UNC79: variants seen among roughly 807,000 people sequenced by gnomAD.
UNC79 encodes the protein unc-79 subunit of NALCN channel complex, also known as protein unc-79 homolog.
UNC79 carries 37 observed loss-of-function variants against 283.1 expected under a neutral mutation model. The observed-to-expected ratio is 0.13, with a 90% CI of 0.10 to 0.17. The LOEUF (loss-of-function observed/expected upper bound fraction) is 0.17. Ranked by LOEUF, UNC79 falls within the 10% of genes least tolerant of loss-of-function variation. UNC79 has a pLI of 1.00. For missense variants in UNC79, 2,272 were observed against 3,211.1 expected, an observed-to-expected ratio of 0.71 and a Z score of 7.07; for synonymous variants, 1,107 against 1,200.2, an observed-to-expected ratio of 0.92 and a Z score of 1.61.
At chr14:93,441,023 G>A (rs547778267) in intron 1 of UNC79, among the ~76,000 whole-genome samples, 2 of 152,112 alleles carry the variant, frequency 1.3e-5, no homozygotes, top group Non-Finnish European at 2.9e-5. Context: ...ATTGTGAGAG[G>A]TATGTTAAAG....
At chr14:93,400,445 G>A (rs66494078) in intron 1 of UNC79, among the ~76,000 whole-genome samples, 17,920 of 151,872 alleles carry the variant, frequency 0.12, 1,324 homozygotes, top group African/African-American at 0.2. Context: ...GTATAAATTA[G>A]CAGATAAGTG....
At chr14:93,472,278 A>G (rs905683174) in intron 2 of UNC79, among the ~76,000 whole-genome samples, 2 of 152,154 alleles carry the variant, frequency 1.3e-5, no homozygotes, top group Admixed American at 6.5e-5. Flanking sequence ...AGAATATAAC[A>G]TTAATAAAGG....
chr14:93,467,721 A>G (rs2057286993), exon 2 of UNC79: 6 of 1,438,208 alleles, frequency 4.2e-6, no homozygotes, highest in Admixed American at 2.5e-5. Context: ...GGTTCTCCAC[A>G]ACATTTATCC....
In UNC79 at chr14:93,431,071, G is replaced by A. The variant is rs1370539286; in HGVS notation, c.22+20G>A. The A allele has an allele frequency of 5.7e-6, 4 of 700,328 alleles. No homozygotes were observed. The highest frequency in any genetic ancestry group is 2.0e-5 in the Admixed American group (1 of 49,834). 43.4% of individuals were successfully genotyped at this position (700,328 alleles called of 1,614,324 possible). On this transcript the variant is annotated intron_variant, in intron 1 of 48. Transcript: ENST00000555664. ...AGCAGTGTAAGTAGCAGCCGGCCCG[G>A]CATTCCGGCCCGGCCTCGGCTGGGA...
At chr14:93,364,883 T>G (rs2054297914) in intron 1 of UNC79, among the ~76,000 whole-genome samples, 1 of 151,926 alleles carries the variant, frequency 6.6e-6, no homozygotes, top group South Asian at 2.1e-4. Flanking sequence ...TCCTCCTATA[T>G]TTACCAGAAT....
chr14:93,530,225 C>A (rs923268011), intron 10 of UNC79, among the ~76,000 whole-genome samples: 3 of 149,972 alleles, frequency 2.0e-5, no homozygotes, highest in African/African-American at 7.4e-5. Flanking sequence ...TAAAATGGAG[C>A]AATAATATCA....
At chr14:93,682,557 A>G in intron 41 of UNC79, 60 bp from the exon 45 acceptor site, 2 of 1,412,180 alleles carry the variant, frequency 1.4e-6, no homozygotes, top group Non-Finnish European at 2.0e-6. Flanking sequence ...ATAAAATGAT[A>G]AATTACTTAT....
chr14:93,611,323 G>A (rs1290397651), intron 26 of UNC79, among the ~76,000 whole-genome samples: 1 of 89,200 alleles, frequency 1.1e-5, no homozygotes, highest in Admixed American at 1.3e-4. Context: ...TGTATTAGAG[G>A]CTCTTACGCT....
intron 1 of UNC79, among the ~76,000 whole-genome samples, chr14:93,360,290 C>T (rs1266679908): frequency 3.9e-5 from 6 of 152,148 alleles, no homozygotes; most frequent in Admixed American, 1.3e-4. Flanking sequence ...AAAACAATAT[C>T]GCATCCCTGG....
intron 32 of UNC79, among the ~76,000 whole-genome samples, chr14:93,640,514 G>T (rs2068926687): frequency 6.6e-6 from 1 of 152,164 alleles, no homozygotes. Context: ...TGTAGCCCCA[G>T]CCACTTGTGT....
chr14:93,497,878 T>C (rs2059090547), intron 7 of UNC79, among the ~76,000 whole-genome samples: 1 of 151,870 alleles, frequency 6.6e-6, no homozygotes, highest in Non-Finnish European at 1.5e-5. Flanking sequence ...CCCAGCTACT[T>C]GGGAGGCTGA....
At chr14:93,642,040 A>G (rs1479360086) in intron 33 of UNC79, among the ~76,000 whole-genome samples, 3 of 114,500 alleles carry the variant, frequency 2.6e-5, no homozygotes, top group African/African-American at 9.0e-5. Context: ...CTGAGAGTCA[A>G]TTAAACGTCT....
intron 1 of UNC79, among the ~76,000 whole-genome samples, chr14:93,339,846 A>G (rs1003698448): frequency 3.3e-5 from 5 of 152,192 alleles, no homozygotes; most frequent in African/African-American, 1.2e-4. Context: ...TATGACATTT[A>G]CACATTAAAT....
intron 1 of UNC79, among the ~76,000 whole-genome samples, chr14:93,367,424 T>A (rs1432465088): frequency 6.6e-6 from 1 of 152,180 alleles, no homozygotes; most frequent in African/African-American, 2.4e-5. Context: ...GGAGATACTT[T>A]TGGCCAATGA....
chr14:93,562,921 A>AG (rs1176574173), intron 14 of UNC79, among the ~76,000 whole-genome samples: 1 of 152,110 alleles, frequency 6.6e-6, no homozygotes, highest in Non-Finnish European at 1.5e-5. Flanking sequence ...AAGGGAAGGG[A>AG]GGGGGTCTGA....
intron 44 of UNC79, chr14:93,689,330 C>G (rs968810460): frequency 1.9e-5 from 3 of 154,534 alleles, no homozygotes; most frequent in African/African-American, 7.2e-5. Context: ...TGAGCCCACC[C>G]TTTTGTGTGG....
chr14:93,583,444 T>G (rs1264483076), intron 20 of UNC79, among the ~76,000 whole-genome samples: 1 of 152,244 alleles, frequency 6.6e-6, no homozygotes, highest in African/African-American at 2.4e-5. Flanking sequence ...GACTGTTTTC[T>G]GGGGTTCATT....
intron 7 of UNC79, among the ~76,000 whole-genome samples, chr14:93,521,258 T>C (rs2060307069): frequency 6.6e-6 from 1 of 152,024 alleles, no homozygotes; most frequent in Non-Finnish European, 1.5e-5. Context: ...CTGTACAAGC[T>C]CTAGGAATTG....
chr14:93,347,256 C>CA, intron 1 of UNC79: 1 of 1,596,604 alleles, frequency 6.3e-7, no homozygotes, highest in Non-Finnish European at 8.5e-7. Context: ...GGCTTTGTCT[C>CA]ACCTGACGCG....
Sources: gnomAD v4.1 joint callset for allele counts (sites outside exome capture counted in the v4.1 genomes callset) on GRCh38, gnomAD v4.1.1 for gene constraint, MANE v1.5 for transcripts, NCBI Gene and HGNC (gene_info 2026-07-23, HGNC 2026-07-21) for gene names.